The following ARHGAP20 variants were observed in gnomAD, a reference collection of about 807,000 sequenced individuals.
The protein encoded by ARHGAP20 is Rho GTPase activating protein 20, also known as rho GTPase-activating protein 20.
A neutral mutation model predicts 73.7 loss-of-function variants in ARHGAP20; 34 were observed. The ratio of observed to expected loss-of-function variants is 0.46; its 90% CI spans 0.35 to 0.61. The LOEUF is 0.61. ARHGAP20 is among the 20% of genes least tolerant of loss of function. The pLI is 0.00. For synonymous variants in ARHGAP20, 523 were observed against 518.2 expected (o/e 1.01, Z -0.13); for missense variants, 1,314 against 1,420.9 (o/e 0.92, Z 1.21).
chr11:110,697,368 ACTTG>A (rs1950356246), intron 1 of ARHGAP20, among the ~76,000 whole-genome samples: 1 of 151,170 alleles, frequency 6.6e-6, no homozygotes, highest in Non-Finnish European at 1.5e-5. Flanking sequence ...GCTTTTTGCC[ACTTG>A]CTTTTCTTTT....
chr11:110,593,625 A>G (rs547167713), intron 9 of ARHGAP20, among the ~76,000 whole-genome samples: 36 of 152,154 alleles, frequency 2.4e-4, no homozygotes, highest in Non-Finnish European at 5.1e-4. Flanking sequence ...GAAGAAACCT[A>G]CTCTTACTGG....
chr11:110,634,042 G>A (rs1043202998), intron 2 of ARHGAP20, among the ~76,000 whole-genome samples: 1 of 152,194 alleles, frequency 6.6e-6, no homozygotes, highest in African/African-American at 2.4e-5. Context: ...AACAAAGATG[G>A]AGACTGGTGA....
intron 2 of ARHGAP20, among the ~76,000 whole-genome samples, chr11:110,665,599 C>T (rs1427821126): frequency 6.6e-6 from 1 of 152,114 alleles, no homozygotes; most frequent in Non-Finnish European, 1.5e-5. Context: ...CTTGAGGAGA[C>T]AGAGTTGAGA....
intron 2 of ARHGAP20, among the ~76,000 whole-genome samples, chr11:110,642,004 T>C (rs2134986635): frequency 6.6e-6 from 1 of 152,192 alleles, no homozygotes; most frequent in African/African-American, 2.4e-5. Flanking sequence ...ATATGCTTAC[T>C]GGGAACTCCA....
intron 2 of ARHGAP20, among the ~76,000 whole-genome samples, chr11:110,672,768 T>C (rs961134412): frequency 6.6e-6 from 1 of 152,242 alleles, no homozygotes; most frequent in African/African-American, 2.4e-5. Context: ...GGAATTCTCA[T>C]ACATCGTTGA....
At chr11:110,619,611 TAG>T (rs1041578580) in intron 4 of ARHGAP20, among the ~76,000 whole-genome samples, 22 of 151,812 alleles carry the variant, frequency 1.4e-4, no homozygotes, top group Admixed American at 2.6e-4. Flanking sequence ...TATGCAGTGA[TAG>T]AGTGTATGCA....
At chr11:110,612,008 AAG>A (rs1186683750) in intron 6 of ARHGAP20, among the ~76,000 whole-genome samples, 2 of 152,232 alleles carry the variant, frequency 1.3e-5, no homozygotes, top group Admixed American at 6.5e-5. Flanking sequence ...GTCTAGAAAA[AAG>A]AAATGAAAAT....
At chr11:110,694,315 A>G (rs1950297005) in intron 1 of ARHGAP20, among the ~76,000 whole-genome samples, 1 of 151,824 alleles carries the variant, frequency 6.6e-6, no homozygotes. Flanking sequence ...AAAGTATAAC[A>G]TGAATACTAG....
Position 110,613,865 on chromosome 11 carries a change from G to A in ARHGAP20, c.630+696C>T, listed in dbSNP as rs556865353. Among the ~76,000 whole-genome samples, 5 of 152,218 alleles carry A rather than the reference G, an allele frequency of 3.3e-5. No homozygotes were observed. In the South Asian group the frequency reaches 1.0e-3, roughly 32 times the overall value. On this transcript the variant is annotated intron_variant, in intron 6 of 14. Transcript: ENST00000683387. Reference sequence around the variant, plus strand: ...CTATTCTGTGTGATCTAGAGCTGCTGTGAAGTATGACAGTTAATAGTATAA... The same window carrying A: ...CTATTCTGTGTGATCTAGAGCTGCTATGAAGTATGACAGTTAATAGTATAA...
At chr11:110,684,411 T>C (rs1482942067) in intron 2 of ARHGAP20, among the ~76,000 whole-genome samples, 2 of 152,282 alleles carry the variant, frequency 1.3e-5, no homozygotes, top group South Asian at 2.1e-4. Context: ...TATCTAGACA[T>C]ATTATTGGTA....
chr11:110,684,429 A>G (rs1950093686), intron 2 of ARHGAP20, among the ~76,000 whole-genome samples: 2 of 152,188 alleles, frequency 1.3e-5, no homozygotes, highest in Admixed American at 6.6e-5. Flanking sequence ...GTACATACTA[A>G]CATACTTTAA....
intron 2 of ARHGAP20, among the ~76,000 whole-genome samples, chr11:110,682,811 T>C (rs1039417514): frequency 6.6e-6 from 1 of 152,148 alleles, no homozygotes; most frequent in Non-Finnish European, 1.5e-5. Flanking sequence ...TTGTGTTCTA[T>C]GATGTAAGCA....
chr11:110,709,996 T>C (rs906423922), intron 1 of ARHGAP20, among the ~76,000 whole-genome samples: 1 of 152,118 alleles, frequency 6.6e-6, no homozygotes. Flanking sequence ...GGAGATGAAG[T>C]GGAGAAATTC....
intron 2 of ARHGAP20, among the ~76,000 whole-genome samples, chr11:110,648,923 T>C (rs1231368382): frequency 2.0e-5 from 3 of 152,152 alleles, no homozygotes; most frequent in Non-Finnish European, 4.4e-5. Context: ...TGTATTAAAA[T>C]TTATTCTAGG....
At chr11:110,665,064 C>T (rs11213523) in intron 2 of ARHGAP20, among the ~76,000 whole-genome samples, 6 of 151,974 alleles carry the variant, frequency 3.9e-5, no homozygotes, top group Admixed American at 3.9e-4. Flanking sequence ...CAGAAAGACA[C>T]TAGGGAAGTG....
intron 2 of ARHGAP20, among the ~76,000 whole-genome samples, chr11:110,658,296 T>C (rs1353177666): frequency 6.6e-6 from 1 of 152,182 alleles, no homozygotes; most frequent in African/African-American, 2.4e-5. Context: ...AGAGTAGTAG[T>C]AGCACTACAC....
intron 1 of ARHGAP20, chr11:110,711,808 A>G: frequency 7.5e-7 from 1 of 1,341,950 alleles, no homozygotes; most frequent in South Asian, 1.9e-5. Context: ...CGCCCACTAC[A>G]GCCCGCGCGC....
In ARHGAP20 at chr11:110,630,742, A is replaced by G. The variant is rs201642951; in HGVS notation, c.239T>C (p.Val80Ala). 58 of 1,614,152 alleles carry G rather than the reference A, an allele frequency of 3.6e-5. No homozygotes were observed. The East Asian group carries it at 7.4e-4, about 20-fold the overall frequency. ...AATCAGCAGAGTCCTATTGGAGCAC[A>G]CTAATGATGACAGAAATGTGCATGT... is the stretch of plus-strand genomic sequence containing the variant. ...VDTCTFLSSL[V>A]CSNRTLLIDG... Residue 80 changes from valine (V) to alanine (A), a missense_variant, in exon 3 of 15, where the codon GTG becomes GCG. Physicochemically the swap from Val to Ala is moderately conservative, Grantham distance 64. This residue lies in a region of ARHGAP20 where 443 missense variants were observed against 466.4 expected (regional missense o/e 0.95). Coordinates refer to ENST00000683387, the MANE Select transcript of ARHGAP20 (RefSeq NM_001384657.1).
chr11:110,660,768 T>G (rs1949591798), intron 2 of ARHGAP20, among the ~76,000 whole-genome samples: 1 of 152,128 alleles, frequency 6.6e-6, no homozygotes, highest in Admixed American at 6.5e-5. Flanking sequence ...GAATGTCCTG[T>G]GTATGATTAT....
Sources: gnomAD v4.1 joint callset for allele counts (sites outside exome capture counted in the v4.1 genomes callset) on GRCh38, gnomAD v4.1.1 for gene constraint, gnomAD v4.1.1 regional missense constraint, MANE v1.5 for transcripts, NCBI Gene and HGNC (gene_info 2026-07-23, HGNC 2026-07-21) for gene names.